The following PRRC2B variants were observed in gnomAD, a reference collection of about 807,000 sequenced individuals.
The protein encoded by PRRC2B is protein PRRC2B.
A neutral mutation model predicts 242.3 loss-of-function variants in PRRC2B; 68 were observed. The ratio of observed to expected loss-of-function variants is 0.28; its 90% CI spans 0.23 to 0.34. PRRC2B has a LOEUF of 0.34. Ranked by LOEUF, PRRC2B falls within the 10% of genes least tolerant of loss-of-function variation. The probability of loss-of-function intolerance (pLI) is 1.00; values close to 1 mark genes in which losing one functional copy is unlikely to be tolerated. For missense variants in PRRC2B, 2,835 were observed against 2,954.8 expected, an observed-to-expected ratio of 0.96 and a Z score of 0.94; for synonymous variants, 1,228 against 1,173.6, an observed-to-expected ratio of 1.05 and a Z score of -0.95.
intron 1 of PRRC2B, among the ~76,000 whole-genome samples, chr9:131,400,803 A>C (rs370587127): frequency 9.9e-5 from 15 of 152,082 alleles, no homozygotes; most frequent in East Asian, 3.9e-4. Context: ...TACTCCATTT[A>C]CTGGTTTGAA....
intron 1 of PRRC2B, among the ~76,000 whole-genome samples, chr9:131,426,337 CAAAAAAAAAAA>C (rs5900939): frequency 4.7e-5 from 4 of 84,486 alleles, no homozygotes; most frequent in East Asian, 3.2e-4. Context: ...AACTCTGTCT[CAAAAAAAAAAA>C]AAAAAAAAAA....
intron 1 of PRRC2B, among the ~76,000 whole-genome samples, chr9:131,420,499 T>TCCTTCTTTCTTTCTTTC (rs889470295): frequency 2.4e-5 from 2 of 84,494 alleles, no homozygotes; most frequent in African/African-American, 4.4e-5. Context: ...CTTTCTTTTT[T>TCCTTCTTTCTTTCTTTC]TTTTTTTTTT....
At chr9:131,443,202 C>T (rs182218694) in intron 5 of PRRC2B, among the ~76,000 whole-genome samples, 32 of 151,572 alleles carry the variant, frequency 2.1e-4, no homozygotes, top group African/African-American at 7.3e-4. Context: ...GGCACGATCT[C>T]GGCTCACTGC....
In PRRC2B at chr9:131,474,645, A is replaced by G. The variant is rs780289296; in HGVS notation, c.2516A>G (p.Asp839Gly). The G allele has an allele frequency of 6.2e-7, 1 of 1,613,920 alleles. No individual in the cohort carries two copies. Residue 839 changes from aspartate (D) to glycine (G), a missense_variant, in exon 16 of 32, where the codon GAT becomes GGT. Around this residue, in one of 7 missense-constraint regions of PRRC2B, gnomAD observed 1,536 missense variants for 1,483.1 expected, o/e 1.04. Coordinates refer to ENST00000683519, the MANE Select transcript of PRRC2B (RefSeq NM_013318.4). The stretch of plus-strand genomic sequence containing the variant: ...TTTCCACCCCAAGAAAATGTTCAGG[A>G]TGCAGGTGCTCCTGGGGGTCACACC... Reference protein sequence around the residue: ...LLFPPQENVQDAGAPGGHTQN... With the variant: ...LLFPPQENVQGAGAPGGHTQN...
At position 131,409,433 on chromosome 9, in the gene PRRC2B, C is replaced by T. The variant is rs148587059; in HGVS notation, c.-52+15170C>T. Among the ~76,000 whole-genome samples the T allele has an allele frequency of 1.4e-3, 208 of 152,380 alleles. 1 individual carries two copies. Among genetic ancestry groups the T allele is most frequent in the African/African-American group, 4.7e-3 (195 of 41,592 alleles). On this transcript the variant is annotated intron_variant, in intron 1 of 31. Coordinates refer to ENST00000683519, the MANE Select transcript of PRRC2B (RefSeq NM_013318.4). Reference sequence around the variant, plus strand: ...GCCTGACCCCAGGTGATCTGCCCATCTCGGCCTCCCAAAGTGCTGGGATTA... The same window carrying T: ...GCCTGACCCCAGGTGATCTGCCCATTTCGGCCTCCCAAAGTGCTGGGATTA...
upstream of PRRC2B, among the ~76,000 whole-genome samples, chr9:131,391,117 T>C (rs554232511): frequency 3.9e-5 from 6 of 152,220 alleles, no homozygotes; most frequent in African/African-American, 1.4e-4. Flanking sequence ...CCTCGCTGTG[T>C]TGCCTTCAGC....
At position 131,494,799 on chromosome 9, in the gene PRRC2B, A is replaced by G. The variant is rs1432178962; in HGVS notation, c.6555+313A>G. Among the ~76,000 whole-genome samples, 2 of 151,898 alleles carry G rather than the reference A, an allele frequency of 1.3e-5. No homozygotes were observed. The highest frequency in any genetic ancestry group is 2.9e-5 in the Non-Finnish European group (2 of 67,970). ...CTGAGGCGCCCTGGGAGACTCGGTTAGGTTTGGGGGTCGGCTTTAGGAGCC... is the reference window on the plus strand; with the variant it reads ...CTGAGGCGCCCTGGGAGACTCGGTTGGGTTTGGGGGTCGGCTTTAGGAGCC... On this transcript the variant is annotated intron_variant, in intron 31 of 31. Transcript: ENST00000683519. The surrounding 1 kb of genome is among the most constrained non-coding windows in gnomAD (Gnocchi z 4.3).
chr9:131,441,954 T>TA (rs1248435761), intron 5 of PRRC2B, among the ~76,000 whole-genome samples: 2 of 146,710 alleles, frequency 1.4e-5, no homozygotes, highest in East Asian at 4.1e-4. Flanking sequence ...ATTGGGACCT[T>TA]ATGAATACTG....
chr9:131,464,718 G>T, intron 11 of PRRC2B, 45 bp from the exon 12 acceptor site: 1 of 1,504,604 alleles, frequency 6.6e-7, no homozygotes, highest in South Asian at 1.3e-5. Flanking sequence ...CCTGTATCCC[G>T]GGTCCCGGAC....
intron 1 of PRRC2B, among the ~76,000 whole-genome samples, chr9:131,402,859 TTGAA>T (rs1337477819): frequency 6.6e-5 from 10 of 152,194 alleles, no homozygotes; most frequent in African/African-American, 2.4e-4. Context: ...CCGAGGCCCT[TTGAA>T]TGGTGAACAT....
At chr9:131,400,164 A>T (rs1837190182) in intron 1 of PRRC2B, among the ~76,000 whole-genome samples, 1 of 151,854 alleles carries the variant, frequency 6.6e-6, no homozygotes, top group African/African-American at 2.4e-5. Context: ...GCTCACCGTA[A>T]CCTCTGCATC....
At chr9:131,382,431 G>A (rs1836773144) in intron 1 of PRRC2B, among the ~76,000 whole-genome samples, 1 of 152,136 alleles carries the variant, frequency 6.6e-6, no homozygotes. Context: ...AAATTATAAA[G>A]ACTGGCTGTG....
At position 131,495,730 on chromosome 9, in the gene PRRC2B, C is replaced by G. The variant is rs1294765905; in HGVS notation, c.6556-10C>G. On this transcript the variant is annotated splice_polypyrimidine_tract_variant and intron_variant, in intron 31 of 31. Coordinates refer to ENST00000683519, the MANE Select transcript of PRRC2B (RefSeq NM_013318.4). The stretch of plus-strand genomic sequence containing the variant: ...GGGTCACTTTGTTTTTCCCATTCAT[C>G]TGTCCAAAGGCAAAACAACGAGTGG... 1 of 1,598,368 alleles carries G rather than the reference C, an allele frequency of 6.3e-7. No homozygotes were observed. Among genetic ancestry groups the G allele is most frequent in the Non-Finnish European group, 8.6e-7 (1 of 1,166,844 alleles).
At chr9:131,399,578 GA>G (rs1351101759) in intron 1 of PRRC2B, among the ~76,000 whole-genome samples, 3 of 151,372 alleles carry the variant, frequency 2.0e-5, no homozygotes, top group Non-Finnish European at 4.4e-5. Context: ...GACTCCATCT[GA>G]AAAAAAAGGA....
Position 131,447,776 on chromosome 9 carries a change from GGACGCC to G in PRRC2B, c.1095_1100del (p.Ala368_Asp369del), listed in dbSNP as rs753205000. 6 of 1,613,404 alleles carry G rather than the reference GGACGCC, an allele frequency of 3.7e-6. No individual in the cohort carries two copies. The highest frequency in any genetic ancestry group is 5.1e-6 in the Non-Finnish European group (6 of 1,179,516). On this transcript the variant is annotated inframe_deletion, in exon 9 of 32. Transcript: ENST00000683519. ...AAAACCTGAAGGGCCTTGACGATCT[GGACGCC>G]GATGCCGATGATGGCTGGGCAGGTG...
At chr9:131,415,242 G>A (rs1256843333) in intron 1 of PRRC2B, among the ~76,000 whole-genome samples, 5 of 152,138 alleles carry the variant, frequency 3.3e-5, no homozygotes, top group African/African-American at 9.7e-5. Flanking sequence ...TGATCCACCC[G>A]CCTTGGCCTC....
chr9:131,393,031 A>C (rs1261749074), upstream of PRRC2B, among the ~76,000 whole-genome samples: 4 of 152,124 alleles, frequency 2.6e-5, no homozygotes, highest in Non-Finnish European at 5.9e-5. Context: ...CCAGAATTCT[A>C]CTCCCCAAAA....
intron 1 of PRRC2B, among the ~76,000 whole-genome samples, chr9:131,410,726 T>C (rs933677815): frequency 7.2e-5 from 11 of 152,220 alleles, no homozygotes; most frequent in South Asian, 4.1e-4. Flanking sequence ...ATTTTTTCTT[T>C]TCTTTTTTTC....
intron 30 of PRRC2B, 40 bp downstream of exon 30, chr9:131,492,300 GC>G: frequency 2.0e-6 from 3 of 1,533,528 alleles, no homozygotes; most frequent in Non-Finnish European, 2.7e-6. Context: ...GTGTAGCTGA[GC>G]AGTTGCCAGA....
Sources: allele counts gnomAD v4.1 joint callset (sites outside exome capture counted in the v4.1 genomes callset), GRCh38; gene constraint gnomAD v4.1.1; regional missense constraint gnomAD v4.1.1; non-coding constraint Gnocchi (gnomAD v3.1); transcripts MANE v1.5; gene names NCBI Gene and HGNC (gene_info 2026-07-23, HGNC 2026-07-21).